BEND4: variants seen among roughly 807,000 people sequenced by gnomAD.
BEND4 encodes the protein BEN domain containing 4.
A neutral mutation model predicts 54.7 loss-of-function variants in BEND4; 27 were observed. The observed-to-expected ratio is 0.49, with a 90% CI of 0.36 to 0.68. BEND4 has a LOEUF of 0.68. Ranked by LOEUF, BEND4 falls within the 30% of genes least tolerant of loss-of-function variation. The pLI is 0.00. For synonymous variants in BEND4, 327 were observed against 299.5 expected (o/e 1.09, Z -0.95); for missense variants, 702 against 697.2 (o/e 1.01, Z -0.08).
chr4:42,116,590 C>G lies in BEND4; in HGVS notation c.*928G>C, dbSNP rs1719844105. On this transcript the variant is annotated 3_prime_UTR_variant, in exon 6 of 6. Transcript: ENST00000502486. ...ACTGACAAGCCCATTGCATAGTTGT[C>G]AGAATCGCCTTGAAGCTGTGTGTAT... is the stretch of plus-strand genomic sequence containing the variant. 1 of 152,216 alleles carries G rather than the reference C, an allele frequency of 6.6e-6. No individual in the cohort carries two copies. The highest frequency in any genetic ancestry group is 2.4e-5 in the African/African-American group (1 of 41,450). 9.4% of individuals were successfully genotyped at this position (152,216 alleles called of 1,614,324 possible).
At chr4:42,136,106 C>G (rs986447201) in intron 3 of BEND4, among the ~76,000 whole-genome samples, 2 of 152,184 alleles carry the variant, frequency 1.3e-5, no homozygotes, top group Non-Finnish European at 2.9e-5. Context: ...TTTTCATCCA[C>G]CTCAGAGCCC....
At chr4:42,133,770 G>C (rs183091128) in intron 3 of BEND4, among the ~76,000 whole-genome samples, 3 of 152,278 alleles carry the variant, frequency 2.0e-5, no homozygotes, top group African/African-American at 7.2e-5. Flanking sequence ...CAGGAGAATG[G>C]CATGACCCGG....
chr4:42,151,859 G>T lies in BEND4; in HGVS notation c.285C>A (p.Ala95=), dbSNP rs1225766083. 1.5e-6 allele frequency: 2 copies of T among 1,321,550 alleles called. No homozygotes were observed. The highest frequency in any genetic ancestry group is 1.9e-6 in the Non-Finnish European group (2 of 1,045,306). 81.9% of individuals were successfully genotyped at this position (1,321,550 alleles called of 1,614,324 possible). A position where few individuals can be genotyped will look rare whatever the true frequency, so the allele number is the denominator to read the frequency against. The part of the protein sequence containing the change: ...SYPPGPGRAA[A]AASSSSPSCT... Reference sequence around the variant, plus strand: ...AGGACGGCGACGACGACGAAGCGGCGGCGGCGGCCCGGCCGGGCCCGGGGG... The same window carrying T: ...AGGACGGCGACGACGACGAAGCGGCTGCGGCGGCCCGGCCGGGCCCGGGGG... Residue 95 remains alanine, a synonymous_variant, in exon 2 of 6, where the codon GCC becomes GCA. Transcript: ENST00000502486.
At chr4:42,132,446 T>TATTA (rs1444647385) in intron 3 of BEND4, among the ~76,000 whole-genome samples, 1 of 151,830 alleles carries the variant, frequency 6.6e-6, no homozygotes, top group African/African-American at 2.4e-5. Context: ...TTTTATTATT[T>TATTA]ATTTATTTAT....
chr4:42,135,994 C>G (rs961559822), intron 3 of BEND4, among the ~76,000 whole-genome samples: 4 of 152,148 alleles, frequency 2.6e-5, no homozygotes, highest in African/African-American at 9.7e-5. Context: ...ATAGTTGTAA[C>G]CAAGAGCCAT....
At chr4:42,117,771 GA>G (rs745683011) in intron 5 of BEND4, 36 bp from the exon 6 acceptor site, 4 of 1,415,614 alleles carry the variant, frequency 2.8e-6, no homozygotes, top group Non-Finnish European at 3.9e-6. Context: ...AAGAGAGAGA[GA>G]AAAAAACAGC....
At chr4:42,145,190 G>A (rs2153147489) in intron 2 of BEND4, among the ~76,000 whole-genome samples, 1 of 152,272 alleles carries the variant, frequency 6.6e-6, no homozygotes, top group African/African-American at 2.4e-5. Flanking sequence ...TTCAAGGGCT[G>A]CTATGGGAAA....
At chr4:42,124,813 C>T (rs1206777774) in intron 4 of BEND4, among the ~76,000 whole-genome samples, 2 of 152,164 alleles carry the variant, frequency 1.3e-5, no homozygotes, top group African/African-American at 2.4e-5. Context: ...GACCCGGGCC[C>T]AACTTTCAAG....
chr4:42,123,704 A>AACAAAAAAAAAAC (rs1560576035), intron 4 of BEND4, among the ~76,000 whole-genome samples: 1 of 112,886 alleles, frequency 8.9e-6, no homozygotes, highest in Non-Finnish European at 1.9e-5. Flanking sequence ...GAAAAAAAAA[A>AACAAAAAAAAAAC]AAAAAAAAAA....
chr4:42,112,711 G>A lies in BEND4; in HGVS notation c.*4807C>T, dbSNP rs535841233. 6.6e-5 allele frequency: 10 copies of A among 152,256 alleles called. No homozygotes were observed. The East Asian group carries it at 9.6e-4, about 15-fold the overall frequency. 9.4% of individuals were successfully genotyped at this position (152,256 alleles called of 1,614,324 possible). ...AACCTGCAACTGAACATATTGTGGC[G>A]TGTGAAAGTGGTCTCTAATGTGTAC... is the stretch of plus-strand genomic sequence containing the variant. On this transcript the variant is annotated 3_prime_UTR_variant, in exon 6 of 6. Coordinates refer to ENST00000502486, the MANE Select transcript of BEND4 (RefSeq NM_207406.4).
chr4:42,120,069 C>CT lies in BEND4; in HGVS notation c.1371dup (p.Val458SerfsTer9). ...GATGCAGTACCTCGGAGGCATGTTA[C>CT]TTTAACTGGATCCAGAGGGCGTCTT... On this transcript the variant is annotated frameshift_variant, in exon 5 of 6. Coordinates refer to ENST00000502486, the MANE Select transcript of BEND4 (RefSeq NM_207406.4). LOFTEE classifies it high-confidence loss of function. 6.2e-7 allele frequency: 1 copy of CT among 1,614,020 alleles called. No homozygotes were observed. Among genetic ancestry groups the CT allele is most frequent in the Non-Finnish European group, 8.5e-7 (1 of 1,179,886 alleles).
At chr4:42,142,984 A>G (rs1265238447) in intron 3 of BEND4, among the ~76,000 whole-genome samples, 1 of 152,258 alleles carries the variant, frequency 6.6e-6, no homozygotes, top group African/African-American at 2.4e-5. Flanking sequence ...TTTAATTTCT[A>G]TCATTGACTA....
At position 42,114,580 on chromosome 4, in the gene BEND4, A is replaced by G. The variant is rs1376737035; in HGVS notation, c.*2938T>C. 4 of 152,242 alleles carry G rather than the reference A, an allele frequency of 2.6e-5. No individual in the cohort carries two copies. Among genetic ancestry groups the G allele is most frequent in the Non-Finnish European group, 5.9e-5 (4 of 68,050 alleles). The allele number at this position is 152,242 out of a possible 1,614,324, so 9.4% of individuals were successfully genotyped here. A position where few individuals can be genotyped will look rare whatever the true frequency, so the allele number is the denominator to read the frequency against. On this transcript the variant is annotated 3_prime_UTR_variant, in exon 6 of 6. Transcript: ENST00000502486. ...AGTTTCTTGTGAGAGCAATCTGTCC[A>G]TTTGCCAGATAAAGATGCAGAAAAT...
Position 42,149,402 on chromosome 4 carries a change from A to G in BEND4, c.487+2255T>C, listed in dbSNP as rs1721184960. 2.6e-5 allele frequency among the ~76,000 whole-genome samples: 4 copies of G among 152,166 alleles called. 1 individual carries two copies. The South Asian group carries it at 8.3e-4, about 31-fold the overall frequency. ...ACCACAATTCATGATGTCTAGTTCT[A>G]TGGCTTTCTTCCCCCCAGACTATTT... On this transcript the variant is annotated intron_variant, in intron 2 of 5. Transcript: ENST00000502486.
intron 3 of BEND4, among the ~76,000 whole-genome samples, chr4:42,133,089 C>T (rs1371158978): frequency 1.3e-5 from 2 of 152,160 alleles, no homozygotes; most frequent in Admixed American, 6.5e-5. Context: ...GTAAATAATA[C>T]ATGTAAAGCC....
At chr4:42,132,140 G>A (rs924271920) in intron 3 of BEND4, among the ~76,000 whole-genome samples, 1 of 152,260 alleles carries the variant, frequency 6.6e-6, no homozygotes, top group African/African-American at 2.4e-5. Context: ...GCACTGAAAA[G>A]GAAATTGTGG....
intron 3 of BEND4, among the ~76,000 whole-genome samples, chr4:42,141,569 T>C (rs957057205): frequency 1.3e-5 from 2 of 151,986 alleles, no homozygotes; most frequent in African/African-American, 4.8e-5. Flanking sequence ...CTGTCTCTAC[T>C]AAAAATACAA....
At chr4:42,141,869 G>C (rs966211293) in intron 3 of BEND4, among the ~76,000 whole-genome samples, 1 of 152,098 alleles carries the variant, frequency 6.6e-6, no homozygotes, top group African/African-American at 2.4e-5. Context: ...CATGTATGCA[G>C]TTAGCCAATA....
chr4:42,149,869 G>A (rs1033230599), intron 2 of BEND4, among the ~76,000 whole-genome samples: 15 of 152,058 alleles, frequency 9.9e-5, no homozygotes, highest in Non-Finnish European at 1.9e-4. Flanking sequence ...GGATGAAAAT[G>A]GAAATGAGAA....
Sources: allele counts gnomAD v4.1 joint callset (sites outside exome capture counted in the v4.1 genomes callset), GRCh38; gene constraint gnomAD v4.1.1; transcripts MANE v1.5; gene names NCBI Gene and HGNC (gene_info 2026-07-23, HGNC 2026-07-21).